The following SETD2 variants were observed in gnomAD, a reference collection of about 807,000 sequenced individuals.
The protein encoded by SETD2 is histone-lysine N-methyltransferase SETD2.
SETD2 carries 31 observed loss-of-function variants against 242.1 expected under a neutral mutation model. That is an observed-to-expected ratio of 0.13 (90% CI 0.10 to 0.17). The LOEUF is 0.17. SETD2 is among the 10% of genes least tolerant of loss of function. SETD2 has a pLI of 1.00. For missense variants in SETD2, 2,481 were observed against 3,046.3 expected (o/e 0.81, Z 4.37); for synonymous variants, 1,006 against 1,066.5 (o/e 0.94, Z 1.11).
At chr3:47,157,978 G>A (rs1018380099) in intron 1 of SETD2, among the ~76,000 whole-genome samples, 2 of 151,904 alleles carry the variant, frequency 1.3e-5, no homozygotes, top group Non-Finnish European at 2.9e-5. Context: ...CCACTTTATA[G>A]GTAAGGAGTA....
intron 18 of SETD2, among the ~76,000 whole-genome samples, chr3:47,023,366 C>T (rs1438973342): frequency 1.3e-5 from 2 of 152,020 alleles, no homozygotes; most frequent in African/African-American, 4.8e-5. Flanking sequence ...TGCCACTGCA[C>T]TGCAGCCTGG....
chr3:47,019,966 T>A, intron 18 of SETD2, 126 bp from the exon 19 acceptor site: 1 of 764,608 alleles, frequency 1.3e-6, no homozygotes, highest in Middle Eastern at 2.4e-4. Flanking sequence ...TAGAATCCGT[T>A]TAGAGGCCCT....
chr3:47,078,725 T>C (rs2041202968), intron 12 of SETD2, among the ~76,000 whole-genome samples: 1 of 151,592 alleles, frequency 6.6e-6, no homozygotes, highest in Non-Finnish European at 1.5e-5. Flanking sequence ...AACTTAGTTG[T>C]TGTTGTTTTG....
At chr3:47,146,299 T>C (rs1220710871) in intron 1 of SETD2, among the ~76,000 whole-genome samples, 1 of 152,152 alleles carries the variant, frequency 6.6e-6, no homozygotes, top group Non-Finnish European at 1.5e-5. Context: ...AATAGTACTA[T>C]ATTTACTTTA....
chr3:47,037,549 C>T (rs553823305), intron 18 of SETD2, 117 bp downstream of exon 18: 1 of 708,826 alleles, frequency 1.4e-6, no homozygotes. Context: ...CACCTTGATA[C>T]ATGCATAGTC....
At chr3:47,095,402 G>A (rs965668435) in intron 9 of SETD2, among the ~76,000 whole-genome samples, 1 of 152,214 alleles carries the variant, frequency 6.6e-6, no homozygotes, top group Non-Finnish European at 1.5e-5. Context: ...CCAAAGGGCT[G>A]AGATTACAGG....
intron 12 of SETD2, among the ~76,000 whole-genome samples, chr3:47,071,477 C>A (rs2040814389): frequency 6.6e-6 from 1 of 152,090 alleles, no homozygotes. Context: ...ACTGCATATA[C>A]CCTACGCTTT....
intron 12 of SETD2, among the ~76,000 whole-genome samples, chr3:47,068,469 T>C (rs144152998): frequency 9.8e-4 from 148 of 151,706 alleles, no homozygotes; most frequent in African/African-American, 3.4e-3. Flanking sequence ...CCAGATATCA[T>C]GCTGAACATT....
intron 15 of SETD2, among the ~76,000 whole-genome samples, chr3:47,048,543 G>A (rs1164961667): frequency 6.6e-6 from 1 of 151,792 alleles, no homozygotes; most frequent in Non-Finnish European, 1.5e-5. Context: ...AAACACTTGG[G>A]CTACACTAAG....
intron 10 of SETD2, among the ~76,000 whole-genome samples, chr3:47,086,681 C>G (rs527492332): frequency 5.9e-5 from 9 of 151,540 alleles, no homozygotes; most frequent in African/African-American, 1.9e-4. Context: ...ATTCTTTCTT[C>G]TCTCCCTTTC....
In SETD2 at chr3:47,121,112, T is replaced by A. The variant is rs748175674; in HGVS notation, c.3524A>T (p.Asp1175Val). The A allele has an allele frequency of 1.2e-6, 2 of 1,614,098 alleles. No homozygotes were observed. The highest frequency in any genetic ancestry group is 1.7e-6 in the Non-Finnish European group (2 of 1,179,992). Residue 1175 changes from aspartate to valine, a missense_variant, in exon 3 of 21, where the codon GAT (aspartate) becomes GTT (valine). Physicochemically the swap from Asp to Val is radical, Grantham distance 152. Around this residue, in one of 17 missense-constraint regions of SETD2, gnomAD observed 1,300 missense variants for 1,259.2 expected, o/e 1.03. Coordinates refer to ENST00000409792, the MANE Select transcript of SETD2 (RefSeq NM_014159.7). ...SDGVDSTSHTDVKSDPLGHPN... is the reference protein window; with the variant it reads ...SDGVDSTSHTVVKSDPLGHPN... ...GTGACCCAGAGGGTCAGATTTCACATCTGTATGACTTGTACTATCAACCCC... is the reference window on the plus strand; with the variant it reads ...GTGACCCAGAGGGTCAGATTTCACAACTGTATGACTTGTACTATCAACCCC...
chr3:47,030,080 C>T (rs1055789690), intron 18 of SETD2, among the ~76,000 whole-genome samples: 1 of 151,310 alleles, frequency 6.6e-6, no homozygotes, highest in African/African-American at 2.4e-5. Context: ...ACCTGGGAAG[C>T]GGAGGTTGCA....
intron 1 of SETD2, among the ~76,000 whole-genome samples, chr3:47,126,949 T>C (rs1166232879): frequency 1.3e-5 from 2 of 152,128 alleles, no homozygotes; most frequent in African/African-American, 2.4e-5. Flanking sequence ...AAAAAGAAAT[T>C]TGTAACAAAA....
At chr3:47,025,110 T>A (rs968684189) in intron 18 of SETD2, among the ~76,000 whole-genome samples, 1 of 152,194 alleles carries the variant, frequency 6.6e-6, no homozygotes, top group South Asian at 2.1e-4. Context: ...AAACCCAGAT[T>A]TGCCTGCCTA....
rs1310324938 is a variant in SETD2 at position 47,088,790 on chromosome 3, A to C, written c.5143-543T>G. 2.6e-5 allele frequency among the ~76,000 whole-genome samples: 4 copies of C among 152,326 alleles called. No individual in the cohort carries two copies. The East Asian group carries it at 7.7e-4, about 29-fold the overall frequency. ...AAAAAAATAAAGCATTAGCCTGAAA[A>C]ATAAAATAGTTGTATCCCCATGCAC... is the stretch of plus-strand genomic sequence containing the variant. On this transcript the variant is annotated intron_variant, in intron 9 of 20. Coordinates refer to ENST00000409792, the MANE Select transcript of SETD2 (RefSeq NM_014159.7).
chr3:47,151,684 G>A (rs765448492), intron 1 of SETD2, among the ~76,000 whole-genome samples: 4 of 151,918 alleles, frequency 2.6e-5, no homozygotes, highest in East Asian at 3.9e-4. Flanking sequence ...AAAATTAGCC[G>A]GGCGTGGTGG....
intron 18 of SETD2, among the ~76,000 whole-genome samples, chr3:47,033,466 C>T (rs2038865398): frequency 6.6e-6 from 1 of 152,102 alleles, no homozygotes; most frequent in Non-Finnish European, 1.5e-5. Flanking sequence ...GAGAAGTAAT[C>T]TAGAAGGAGG....
At position 47,017,579 on chromosome 3, in the gene SETD2, G is replaced by T. The variant is rs2038036757; in HGVS notation, c.7533+59C>A. On this transcript the variant is annotated intron_variant, in intron 20 of 20. Coordinates refer to ENST00000409792, the MANE Select transcript of SETD2 (RefSeq NM_014159.7). This position sits in a 1 kb window ranked among gnomAD's most constrained non-coding sequence, Gnocchi z 4.8. The stretch of plus-strand genomic sequence containing the variant: ...TTTCTATGATGAAAAGGGCTTCTTA[G>T]AAGGTACACAGTTTGCCCAGAACAT... The T allele has an allele frequency of 8.3e-7, 1 of 1,200,974 alleles. No homozygotes were observed. Among genetic ancestry groups the T allele is most frequent in the Non-Finnish European group, 1.2e-6 (1 of 807,044 alleles). 74.4% of individuals were successfully genotyped at this position (1,200,974 alleles called of 1,614,324 possible).
intron 1 of SETD2, among the ~76,000 whole-genome samples, chr3:47,152,911 A>C (rs2044026234): frequency 6.6e-6 from 1 of 152,248 alleles, no homozygotes; most frequent in Admixed American, 6.5e-5. Flanking sequence ...TTTGACAGAA[A>C]AAGCATTCTA....
Sources: allele counts gnomAD v4.1 joint callset (sites outside exome capture counted in the v4.1 genomes callset), GRCh38; gene constraint gnomAD v4.1.1; regional missense constraint gnomAD v4.1.1; non-coding constraint Gnocchi (gnomAD v3.1); transcripts MANE v1.5; gene names NCBI Gene and HGNC (gene_info 2026-07-23, HGNC 2026-07-21).